The following ADGRE2 variants were observed in gnomAD, a reference collection of about 807,000 sequenced individuals.
The protein encoded by ADGRE2 is CD97 antigen.
ADGRE2 carries 83 observed loss-of-function variants against 100.8 expected under a neutral mutation model. That is an observed-to-expected ratio of 0.82 (90% CI 0.69 to 0.99). ADGRE2 has a LOEUF of 0.99. Ranked by LOEUF, ADGRE2 falls within the 50% of genes least tolerant of loss-of-function variation. The pLI, the probability that ADGRE2 is intolerant of heterozygous loss-of-function variation, is 0.00. For synonymous variants in ADGRE2, 355 were observed against 413.0 expected (o/e 0.86, Z 1.70); for missense variants, 814 against 1,035.7 (o/e 0.79, Z 2.94).
intron 5 of ADGRE2, chr19:14,769,008 A>T (rs1170936783): frequency 6.6e-6 from 1 of 152,244 alleles, no homozygotes; most frequent in African/African-American, 2.4e-5. Flanking sequence ...CGCTGATGAT[A>T]GCAGAGAGAA....
Position 14,743,779 on chromosome 19 carries a change from A to G in ADGRE2, c.2189T>C (p.Leu730Pro). The G allele has an allele frequency of 1.2e-6, 2 of 1,614,054 alleles. No homozygotes were observed. Among genetic ancestry groups the G allele is most frequent in the South Asian group, 2.2e-5 (2 of 91,074 alleles). ...CAGCTGAGCTGTCGCTTTAAATGCC[A>G]GCATCCTGGATTGAGTAAGAAAGGA... ...EVSTLRNTRM[L>P]AFKATAQLFI... Residue 730 changes from leucine to proline, a missense_variant, in exon 19 of 21, where the codon CTG (leucine) becomes CCG (proline). Leu to Pro is a moderately conservative substitution (Grantham distance 98). This residue lies in a region of ADGRE2 where 569 missense variants were observed against 692.7 expected (regional missense o/e 0.82). Coordinates refer to ENST00000315576, the MANE Select transcript of ADGRE2 (RefSeq NM_013447.4).
chr19:14,750,538 T>C (rs1049024125), intron 16 of ADGRE2, among the ~76,000 whole-genome samples: 1 of 151,668 alleles, frequency 6.6e-6, no homozygotes, highest in African/African-American at 2.4e-5. Flanking sequence ...TAGTCAACAG[T>C]GTCCTGGAGG....
intron 4 of ADGRE2, among the ~76,000 whole-genome samples, chr19:14,773,404 T>G (rs1285702043): frequency 2.1e-5 from 3 of 140,594 alleles, no homozygotes; most frequent in Middle Eastern, 3.7e-3. Flanking sequence ...TCTCTCTTTC[T>G]GTCTTTTTTT....
intron 10 of ADGRE2, 105 bp from the exon 11 acceptor site, chr19:14,764,715 G>A: frequency 8.0e-7 from 1 of 1,242,604 alleles, no homozygotes; most frequent in Admixed American, 2.6e-5. Flanking sequence ...CTGTCTATCT[G>A]GGGGATGAAG....
At position 14,776,570 on chromosome 19, in the gene ADGRE2, T is replaced by A. The variant is rs1002888670; in HGVS notation, c.31+156A>T. The A allele has an allele frequency of 2.2e-5, 19 of 865,502 alleles. No individual in the cohort carries two copies. In the African/African-American group the frequency reaches 2.7e-4, roughly 12 times the overall value. 53.6% of individuals were successfully genotyped at this position (865,502 alleles called of 1,614,324 possible). ...GGGGTGCCCAAGCACCACCAGCCCC[T>A]CTCGCCGTGTGCCCGTGAGTGCCTG... On this transcript the variant is annotated intron_variant, in intron 2 of 20. Transcript: ENST00000315576.
downstream of ADGRE2, among the ~76,000 whole-genome samples, chr19:14,728,106 G>C (rs75324914): frequency 0.05 from 7,596 of 152,268 alleles, 231 homozygotes; most frequent in Middle Eastern, 0.099. Flanking sequence ...CCAACTACTC[G>C]GGAGGCTGAG....
intron 5 of ADGRE2, among the ~76,000 whole-genome samples, chr19:14,769,707 C>A (rs536755606): frequency 2.6e-4 from 39 of 151,970 alleles, no homozygotes; most frequent in African/African-American, 9.4e-4. Context: ...CTTTTCTTTT[C>A]TTTTTTTTGG....
In ADGRE2 at chr19:14,765,520, T is replaced by C; in HGVS notation, c.828+4A>G. 6.2e-7 allele frequency: 1 copy of C among 1,613,700 alleles called. No homozygotes were observed. Among genetic ancestry groups the C allele is most frequent in the Non-Finnish European group, 8.5e-7 (1 of 1,179,586 alleles). The stretch of plus-strand genomic sequence containing the variant: ...GCCGCCTCGTCCCTGTGGGGGCCAC[T>C]CACCTGGCTGTGGACTCCAGGGGGC... On this transcript the variant is annotated splice_donor_region_variant and intron_variant, in intron 9 of 20. Transcript: ENST00000315576.
At chr19:14,763,486 ATTC>A (rs1263875606) in intron 11 of ADGRE2, among the ~76,000 whole-genome samples, 9 of 152,006 alleles carry the variant, frequency 5.9e-5, no homozygotes, top group Non-Finnish European at 1.2e-4. Flanking sequence ...GTTATTTTAA[ATTC>A]TTCATCATAA....
downstream of ADGRE2, among the ~76,000 whole-genome samples, chr19:14,730,731 C>T (rs1363124805): frequency 6.6e-6 from 1 of 151,640 alleles, no homozygotes; most frequent in Non-Finnish European, 1.5e-5. Flanking sequence ...TTGCATGATG[C>T]TGAGGTTTGG....
intron 1 of ADGRE2, among the ~76,000 whole-genome samples, chr19:14,777,587 T>C (rs2044485367): frequency 6.6e-6 from 1 of 152,178 alleles, no homozygotes; most frequent in African/African-American, 2.4e-5. Flanking sequence ...GTTGGCTTGC[T>C]GCACCTATCA....
intron 10 of ADGRE2, 27 bp downstream of exon 10, chr19:14,765,293 C>A (rs1290494692): frequency 6.2e-7 from 1 of 1,613,616 alleles, no homozygotes; most frequent in South Asian, 1.1e-5. Context: ...TCCTGCCTCG[C>A]CCCCTTGCCC....
At chr19:14,774,388 A>T in intron 2 of ADGRE2, 82 bp from the exon 3 acceptor site, 1 of 1,454,248 alleles carries the variant, frequency 6.9e-7, no homozygotes, top group South Asian at 1.3e-5. Context: ...TTGTGGGAGG[A>T]GGATGCTGAC....
At chr19:14,770,980 C>T (rs770513979) in intron 5 of ADGRE2, among the ~76,000 whole-genome samples, 10 of 151,932 alleles carry the variant, frequency 6.6e-5, no homozygotes, top group Non-Finnish European at 1.3e-4. Context: ...GTGCCTGGCC[C>T]GGAGAGTCCT....
At position 14,756,303 on chromosome 19, in the gene ADGRE2, G is replaced by A; in HGVS notation, c.1127C>T (p.Thr376Ile). The change falls in exon 12 of 21, where the codon ACC (threonine) becomes ATC (isoleucine). Residue 376 changes from threonine to isoleucine, a missense_variant. Physicochemically the swap from Thr to Ile is moderately conservative, Grantham distance 89. Coordinates refer to ENST00000315576, the MANE Select transcript of ADGRE2 (RefSeq NM_013447.4). ...CATCACTGCCTGATTCTGTCTCAAG[G>A]TGACACTCCTGTCTACTTGCTTCTG... Reference protein sequence around the residue: ...EVQKQVDRSVTLRQNQAVMQL... With the variant: ...EVQKQVDRSVILRQNQAVMQL... 1 of 1,614,010 alleles carries A rather than the reference G, an allele frequency of 6.2e-7. No homozygotes were observed. Among genetic ancestry groups the A allele is most frequent in the Non-Finnish European group, 8.5e-7 (1 of 1,179,970 alleles).
intron 18 of ADGRE2, among the ~76,000 whole-genome samples, chr19:14,745,994 C>G (rs969203773): frequency 2.0e-5 from 3 of 152,198 alleles, no homozygotes; most frequent in Admixed American, 2.0e-4. Flanking sequence ...AATGAAGATT[C>G]TTCCTGTTGC....
chr19:14,736,174 G>A lies in ADGRE2; in HGVS notation c.*62C>T. 6.6e-7 allele frequency: 1 copy of A among 1,525,260 alleles called. No individual in the cohort carries two copies. The highest frequency in any genetic ancestry group is 1.1e-5 in the South Asian group (1 of 88,510). The allele number at this position is 1,525,260 out of a possible 1,614,324, so 94.5% of individuals were successfully genotyped here. On this transcript the variant is annotated 3_prime_UTR_variant, in exon 21 of 21. Transcript: ENST00000315576. Reference sequence around the variant, plus strand: ...AAAGTCTTTTCTTTCCCCTCTAGATGGCTCAAAGATTGTTCAGATTTTCCA... The same window carrying A: ...AAAGTCTTTTCTTTCCCCTCTAGATAGCTCAAAGATTGTTCAGATTTTCCA...
At chr19:14,760,054 G>C (rs1357843225) in intron 11 of ADGRE2, among the ~76,000 whole-genome samples, 1 of 151,874 alleles carries the variant, frequency 6.6e-6, no homozygotes, top group Non-Finnish European at 1.5e-5. Context: ...TCCTGACCTC[G>C]TGATCCTCCC....
In ADGRE2 at chr19:14,736,085, T is replaced by A. The variant is rs1859257; in HGVS notation, c.*151A>T. On this transcript the variant is annotated 3_prime_UTR_variant, in exon 21 of 21. Coordinates refer to ENST00000315576, the MANE Select transcript of ADGRE2 (RefSeq NM_013447.4). Reference sequence around the variant, plus strand: ...CCGGTTTCTGCAGGAATTGAATGCCTAGCACGCCTTCCATAACATCCTTCA... The same window carrying A: ...CCGGTTTCTGCAGGAATTGAATGCCAAGCACGCCTTCCATAACATCCTTCA... 518,470 of 708,842 alleles carry A rather than the reference T, an allele frequency of 0.73. 191,817 individuals carry two copies. The highest frequency in any genetic ancestry group is 0.9 in the African/African-American group (49,661 of 55,050). The allele number at this position is 708,842 out of a possible 1,614,324, so 43.9% of individuals were successfully genotyped here.
Sources: allele counts gnomAD v4.1 joint callset (sites outside exome capture counted in the v4.1 genomes callset), GRCh38; gene constraint gnomAD v4.1.1; regional missense constraint gnomAD v4.1.1; transcripts MANE v1.5; gene names NCBI Gene and HGNC (gene_info 2026-07-23, HGNC 2026-07-21).